TRAK2: variants seen among roughly 807,000 people sequenced by gnomAD.
The protein encoded by TRAK2 is trafficking kinesin protein 2.
TRAK2 carries 81 observed loss-of-function variants against 104.6 expected under a neutral mutation model. That is an observed-to-expected ratio of 0.77 (90% confidence interval 0.65 to 0.93). TRAK2 has a LOEUF of 0.93. TRAK2 is among the 40% of genes least tolerant of loss of function. The pLI is 0.00. For synonymous variants in TRAK2, 406 were observed against 394.4 expected, an observed-to-expected ratio of 1.03 and a Z score of -0.35; for missense variants, 1,002 against 1,089.0, an observed-to-expected ratio of 0.92 and a Z score of 1.12.
Position 201,394,867 on chromosome 2 carries a change from C to T in TRAK2, c.906G>A (p.Val302=), listed in dbSNP as rs1559440656. 6.2e-7 allele frequency: 1 copy of T among 1,613,460 alleles called. No individual in the cohort carries two copies. Among genetic ancestry groups the T allele is most frequent in the Admixed American group, 1.7e-5 (1 of 59,980 alleles). Residue 302 remains valine (V), a synonymous_variant, in exon 9 of 16, where the codon GTG becomes GTA. Transcript: ENST00000332624. The stretch of plus-strand genomic sequence containing the variant: ...GAAGTTTTAGTTCTTCCTTCTCAAT[C>T]ACATGCTAACAACATATTAAAAAAG... ...VDLQHKLKEH[V]IEKEELKLHL...
intron 3 of TRAK2, 47 bp from the exon 4 acceptor site, chr2:201,401,141 A>G (rs775138959): frequency 6.8e-6 from 9 of 1,317,716 alleles, no homozygotes; most frequent in Non-Finnish European, 9.4e-6. Context: ...CAATAATGAA[A>G]AAATTTAAAT....
At chr2:201,436,507 T>C (rs1324623975) in intron 1 of TRAK2, among the ~76,000 whole-genome samples, 1 of 152,238 alleles carries the variant, frequency 6.6e-6, no homozygotes, top group Non-Finnish European at 1.5e-5. Context: ...CTGTATAATC[T>C]GCTCTTCAGA....
At chr2:201,413,490 G>A (rs529376641) in intron 2 of TRAK2, among the ~76,000 whole-genome samples, 1 of 152,052 alleles carries the variant, frequency 6.6e-6, no homozygotes, top group African/African-American at 2.4e-5. Flanking sequence ...AAGGGAGGGG[G>A]GAAAAGACTG....
chr2:201,415,565 T>C (rs1951684535), intron 2 of TRAK2, among the ~76,000 whole-genome samples: 1 of 151,982 alleles, frequency 6.6e-6, no homozygotes, highest in Non-Finnish European at 1.5e-5. Context: ...CAAATAGAAC[T>C]AGAGTACAGT....
chr2:201,408,702 A>C (rs1162028945), intron 2 of TRAK2, among the ~76,000 whole-genome samples: 1 of 152,234 alleles, frequency 6.6e-6, no homozygotes, highest in Non-Finnish European at 1.5e-5. Flanking sequence ...AAAGTGAAAG[A>C]GGTCTGATCT....
At position 201,380,735 on chromosome 2, in the gene TRAK2, A is replaced by G. The variant is rs751946503; in HGVS notation, c.2553T>C (p.Gly851=). ...LGIARVVKNP[G]AQENGRCQEA... ...CCTGGCATCTTCCATTCTCTTGGGC[A>G]CCAGGGTTCTTGACCACTCTGGCTA... Residue 851 remains glycine (G), a synonymous_variant, in exon 16 of 16, where the codon GGT becomes GGC. Coordinates refer to ENST00000332624, the MANE Select transcript of TRAK2 (RefSeq NM_015049.3). The G allele has an allele frequency of 7.4e-6, 12 of 1,614,086 alleles. No individual in the cohort carries two copies. Among genetic ancestry groups the G allele is most frequent in the Admixed American group, 1.7e-5 (1 of 59,988 alleles).
chr2:201,401,191 G>C, intron 3 of TRAK2, 97 bp from the exon 4 acceptor site: 1 of 704,750 alleles, frequency 1.4e-6, no homozygotes, highest in Non-Finnish European at 2.2e-6. Flanking sequence ...AAAAACCCCA[G>C]CCTTTTACAA....
At chr2:201,394,751 A>T in intron 9 of TRAK2, 47 bp downstream of exon 9, 1 of 1,396,806 alleles carries the variant, frequency 7.2e-7, no homozygotes, top group Non-Finnish European at 1.0e-6. Flanking sequence ...GAAAGAAACT[A>T]GTCACTCTTT....
Position 201,380,763 on chromosome 2 carries a change from C to T in TRAK2, c.2525G>A (p.Gly842Glu). Residue 842 changes from glycine to glutamate, a missense_variant, in exon 16 of 16, where the codon GGG becomes GAG. Physicochemically the swap from Gly to Glu is moderately conservative, Grantham distance 98. Coordinates refer to ENST00000332624, the MANE Select transcript of TRAK2 (RefSeq NM_015049.3). ...AGGGTTCTTGACCACTCTGGCTATCCCCAGTCTCTTCAGCCTGTCCACTAA... is the reference window on the plus strand; with the variant it reads ...AGGGTTCTTGACCACTCTGGCTATCTCCAGTCTCTTCAGCCTGTCCACTAA... ...MNLVDRLKRLGIARVVKNPGA... is the reference protein window; with the variant it reads ...MNLVDRLKRLEIARVVKNPGA... 1.2e-6 allele frequency: 2 copies of T among 1,614,114 alleles called. No homozygotes were observed. Among genetic ancestry groups the T allele is most frequent in the Non-Finnish European group, 1.7e-6 (2 of 1,180,006 alleles).
chr2:201,432,411 GA>G (rs1951849308), intron 1 of TRAK2, among the ~76,000 whole-genome samples: 1 of 152,042 alleles, frequency 6.6e-6, no homozygotes, highest in Admixed American at 6.5e-5. Flanking sequence ...ACCTTTTTAG[GA>G]ACAACTTCAC....
At chr2:201,407,060 C>G (rs1479426745) in intron 3 of TRAK2, among the ~76,000 whole-genome samples, 1 of 152,096 alleles carries the variant, frequency 6.6e-6, no homozygotes, top group African/African-American at 2.4e-5. Context: ...CTTAGGATAA[C>G]AAACTACTGG....
intron 9 of TRAK2, among the ~76,000 whole-genome samples, chr2:201,393,611 C>T (rs938567542): frequency 6.6e-6 from 1 of 152,070 alleles, no homozygotes; most frequent in Non-Finnish European, 1.5e-5. Context: ...GCAGTATATG[C>T]CCCAGTTCAT....
Position 201,395,292 on chromosome 2 carries a change from TTGAA to T in TRAK2, c.900+18_900+21del. 1 of 1,589,064 alleles carries T rather than the reference TTGAA, an allele frequency of 6.3e-7. No homozygotes were observed. The highest frequency in any genetic ancestry group is 8.6e-7 in the Non-Finnish European group (1 of 1,159,900). On this transcript the variant is annotated intron_variant, in intron 8 of 15. Transcript: ENST00000332624. ...TATGTGAGTGCTTAACAAATATCTG[TTGAA>T]TGAATGAATAAACCTACTTCTTTAA...
chr2:201,423,217 G>T (rs1951758532), intron 1 of TRAK2, among the ~76,000 whole-genome samples: 1 of 152,060 alleles, frequency 6.6e-6, no homozygotes, highest in South Asian at 2.1e-4. Context: ...GAGATTACAG[G>T]CATGAGCCAC....
chr2:201,415,367 TAAAC>T (rs1951682742), intron 2 of TRAK2, among the ~76,000 whole-genome samples: 1 of 151,872 alleles, frequency 6.6e-6, no homozygotes, highest in Non-Finnish European at 1.5e-5. Flanking sequence ...TATGCAAAAA[TAAAC>T]AAAATGTAAT....
At chr2:201,432,566 AC>A (rs928042637) in intron 1 of TRAK2, among the ~76,000 whole-genome samples, 3 of 152,242 alleles carry the variant, frequency 2.0e-5, no homozygotes, top group Non-Finnish European at 4.4e-5. Flanking sequence ...AAAAAGAACA[AC>A]CAAAACATGT....
intron 6 of TRAK2, 166 bp downstream of exon 6, chr2:201,397,979 T>C (rs1951517159): frequency 3.1e-6 from 2 of 640,576 alleles, no homozygotes; most frequent in Admixed American, 2.8e-5. Flanking sequence ...TTCAGTGGGA[T>C]CTAAGAACAG....
intron 1 of TRAK2, among the ~76,000 whole-genome samples, chr2:201,444,981 T>C (rs1951953704): frequency 6.6e-6 from 1 of 152,200 alleles, no homozygotes; most frequent in Admixed American, 6.5e-5. Context: ...CTTCCTTTTT[T>C]GTGACTTGTC....
intron 14 of TRAK2, 115 bp from the exon 15 acceptor site, chr2:201,384,331 A>G: frequency 1.3e-6 from 1 of 788,850 alleles, no homozygotes; most frequent in Non-Finnish European, 2.0e-6. Flanking sequence ...TTGTATTAAA[A>G]ATCCCCAAAT....
Sources: allele counts gnomAD v4.1 joint callset (sites outside exome capture counted in the v4.1 genomes callset), GRCh38; gene constraint gnomAD v4.1.1; transcripts MANE v1.5; gene names NCBI Gene and HGNC (gene_info 2026-07-23, HGNC 2026-07-21).